The following CD101 variants were observed in gnomAD, a reference collection of about 807,000 sequenced individuals.
The protein encoded by CD101 is immunoglobulin superfamily member 2.
CD101 carries 76 observed loss-of-function variants against 98.2 expected under a neutral mutation model. The observed-to-expected ratio is 0.77, with a 90% CI of 0.64 to 0.94. The LOEUF (loss-of-function observed/expected upper bound fraction) is 0.94. CD101 is among the 40% of genes least tolerant of loss of function. The pLI, the probability that CD101 is intolerant of heterozygous loss-of-function variation, is 0.00. For missense variants in CD101, 1,145 were observed against 1,218.8 expected, an observed-to-expected ratio of 0.94 and a Z score of 0.90; for synonymous variants, 471 against 472.7, an observed-to-expected ratio of 1.00 and a Z score of 0.05.
In CD101 at chr1:117,013,388, C is replaced by G; in HGVS notation, c.842-18C>G. 1.3e-6 allele frequency: 2 copies of G among 1,591,578 alleles called. No homozygotes were observed. The highest frequency in any genetic ancestry group is 1.7e-6 in the Non-Finnish European group (2 of 1,167,192). On this transcript the variant is annotated intron_variant, in intron 3 of 9. Transcript: ENST00000682167. ...GGCTGTGGGCTCTCTAAATACCTGC[C>G]TTGCTTTTGTTTCCCAGTGAAAGAT...
intron 8 of CD101, among the ~76,000 whole-genome samples, chr1:117,032,760 T>C (rs1478930374): frequency 6.6e-6 from 1 of 152,236 alleles, no homozygotes; most frequent in Non-Finnish European, 1.5e-5. Context: ...TCTGCTTCAA[T>C]AGACTGTTTC....
At position 117,033,731 on chromosome 1, in the gene CD101, C is replaced by A; in HGVS notation, c.2825-129C>A. The A allele has an allele frequency of 8.4e-7, 1 of 1,192,816 alleles. No homozygotes were observed. The highest frequency in any genetic ancestry group is 1.2e-6 in the Non-Finnish European group (1 of 849,294). The allele number at this position is 1,192,816 out of a possible 1,614,324, so 73.9% of individuals were successfully genotyped here. On this transcript the variant is annotated intron_variant, in intron 8 of 9. Coordinates refer to ENST00000682167, the MANE Select transcript of CD101 (RefSeq NM_001256106.3). The surrounding 1 kb of genome is among the most constrained non-coding windows in gnomAD (Gnocchi z 4.8). ...CCTGTGCTCCTCATGATTTCAGGGGCCCACTGCTATTTGGCCCCATTATTT... is the reference window on the plus strand; with the variant it reads ...CCTGTGCTCCTCATGATTTCAGGGGACCACTGCTATTTGGCCCCATTATTT...
rs1654561698 is a variant in CD101 at position 117,033,050 on chromosome 1, TC to T, written c.2825-809del. On this transcript the variant is annotated intron_variant, in intron 8 of 9. Coordinates refer to ENST00000682167, the MANE Select transcript of CD101 (RefSeq NM_001256106.3). This position sits in a 1 kb window ranked among gnomAD's most constrained non-coding sequence, Gnocchi z 4.8. ...GGGGATATAGAAACAAATGGCACTATCAGACATACTCAAGTAACTATAGTGA... is the reference window on the plus strand; with the variant it reads ...GGGGATATAGAAACAAATGGCACTATAGACATACTCAAGTAACTATAGTGA... 6.6e-6 allele frequency: 1 copy of T among 152,232 alleles called. No individual in the cohort carries two copies. The highest frequency in any genetic ancestry group is 6.5e-5 in the Admixed American group (1 of 15,272). 9.4% of individuals were successfully genotyped at this position (152,232 alleles called of 1,614,324 possible).
chr1:117,009,563 G>A (rs778615135), intron 1 of CD101, among the ~76,000 whole-genome samples: 1 of 152,216 alleles, frequency 6.6e-6, no homozygotes, highest in Non-Finnish European at 1.5e-5. Context: ...AGTACACTTC[G>A]ATAAGCAGAT....
chr1:117,016,399 C>T (rs186168044), intron 4 of CD101, among the ~76,000 whole-genome samples: 7 of 151,584 alleles, frequency 4.6e-5, no homozygotes, highest in African/African-American at 1.5e-4. Context: ...TCTGAAGGTC[C>T]GAATTCTAAA....
intron 1 of CD101, 46 bp from the exon 2 acceptor site, chr1:117,009,804 G>A (rs1444989007): frequency 1.3e-6 from 2 of 1,542,918 alleles, no homozygotes; most frequent in African/African-American, 2.7e-5. Flanking sequence ...CTGGGAACTG[G>A]AACACTAATC....
At chr1:117,025,939 C>G in intron 8 of CD101, 35 bp downstream of exon 8, 1 of 1,567,234 alleles carries the variant, frequency 6.4e-7, no homozygotes, top group Non-Finnish European at 8.7e-7. Flanking sequence ...AGCTCATGGT[C>G]AGGAGAATAC....
At position 117,017,235 on chromosome 1, in the gene CD101, GTT is replaced by G; in HGVS notation, c.1376_1377del (p.Phe459CysfsTer51). On this transcript the variant is annotated frameshift_variant, in exon 5 of 10. Coordinates refer to ENST00000682167, the MANE Select transcript of CD101 (RefSeq NM_001256106.3). LOFTEE classifies it high-confidence loss of function. ...HIPRDQTQPE[F>X]VAGMGQDGIV... ...TCCCACGGGACCAGACACAGCCCGA[GTT>G]TGTGGCTGGCATGGGGCAGGATGGC... The G allele has an allele frequency of 6.2e-7, 1 of 1,614,174 alleles. No homozygotes were observed. The highest frequency in any genetic ancestry group is 8.5e-7 in the Non-Finnish European group (1 of 1,180,008).
Position 117,017,385 on chromosome 1 carries a change from A to G in CD101, c.1524A>G (p.Thr508=). The G allele has an allele frequency of 1.2e-6, 2 of 1,614,242 alleles. No homozygotes were observed. The highest frequency in any genetic ancestry group is 1.7e-6 in the Non-Finnish European group (2 of 1,180,016). ...ITFTAITDSG[T]YECRVSEKSR... ...TCACTGCCATCACAGACAGTGGCAC[A>G]TATGAGTGCAGAGTATCTGAGAAGT... The change falls in exon 5 of 10, where the codon ACA becomes ACG. Residue 508 remains threonine, a synonymous_variant. Transcript: ENST00000682167.
chr1:117,035,043 G>A (rs1654723476), intron 9 of CD101, among the ~76,000 whole-genome samples: 2 of 151,760 alleles, frequency 1.3e-5, no homozygotes, highest in Non-Finnish European at 2.9e-5. Context: ...AGTAGGTCAA[G>A]TCTGGTTCCT....
At position 117,023,674 on chromosome 1, in the gene CD101, C is replaced by G. The variant is rs1653715389; in HGVS notation, c.2428+1691C>G. Among the ~76,000 whole-genome samples the G allele has an allele frequency of 6.6e-6, 1 of 152,090 alleles. No homozygotes were observed. Among genetic ancestry groups the G allele is most frequent in the Non-Finnish European group, 1.5e-5 (1 of 68,028 alleles). On this transcript the variant is annotated intron_variant, in intron 7 of 9. Coordinates refer to ENST00000682167, the MANE Select transcript of CD101 (RefSeq NM_001256106.3). The surrounding 1 kb of genome is among the most constrained non-coding windows in gnomAD (Gnocchi z 4.4). Reference sequence around the variant, plus strand: ...TCAGGTGATCCACCTGCCTTGGCCTCCCAAAGTGCTGGGATTACAGGCGTG... The same window carrying G: ...TCAGGTGATCCACCTGCCTTGGCCTGCCAAAGTGCTGGGATTACAGGCGTG...
At chr1:117,017,967 A>G (rs1232836229) in intron 5 of CD101, among the ~76,000 whole-genome samples, 189 bp from the exon 6 acceptor site, 2 of 152,222 alleles carry the variant, frequency 1.3e-5, no homozygotes, top group Admixed American at 1.3e-4. Context: ...AAAAGGATCA[A>G]CTTTGCAAAA....
In CD101 at chr1:117,011,898, C is replaced by T. The variant is rs200728594; in HGVS notation, c.773C>T (p.Pro258Leu). 14 of 1,613,994 alleles carry T rather than the reference C, an allele frequency of 8.7e-6. No homozygotes were observed. In the East Asian group the frequency reaches 3.1e-4, roughly 36 times the overall value. Reference protein sequence around the residue: ...FCEATEWIQDPDETWMFITKK... With the variant: ...FCEATEWIQDLDETWMFITKK... ...GAGGCAACGGAATGGATTCAGGATC[C>T]AGATGAAACTTGGATGTTCATCACC... The change falls in exon 3 of 10, where the codon CCA (proline) becomes CTA (leucine). Residue 258 changes from proline to leucine, a missense_variant. Pro to Leu is a moderately conservative substitution (Grantham distance 98, BLOSUM62 -3). Coordinates refer to ENST00000682167, the MANE Select transcript of CD101 (RefSeq NM_001256106.3).
intron 3 of CD101, 125 bp from the exon 4 acceptor site, chr1:117,013,281 A>C (rs1455736823): frequency 1.3e-5 from 16 of 1,192,150 alleles, no homozygotes; most frequent in Non-Finnish European, 1.8e-5. Context: ...CTACCGCTAT[A>C]GAATTGAACT....
intron 8 of CD101, among the ~76,000 whole-genome samples, chr1:117,031,425 T>C (rs1305381260): frequency 6.6e-6 from 1 of 152,142 alleles, no homozygotes; most frequent in Non-Finnish European, 1.5e-5. Context: ...CTGCCTCCCA[T>C]GAGTAGAAAA....
At position 117,019,615 on chromosome 1, in the gene CD101, C is replaced by T. The variant is rs949241298; in HGVS notation, c.2017+1055C>T. ...AGCTTTGTTCTCTTTTCATTCTATA[C>T]GCTCTCCTGCAGTGGACTCGTCCCT... On this transcript the variant is annotated intron_variant, in intron 6 of 9. Coordinates refer to ENST00000682167, the MANE Select transcript of CD101 (RefSeq NM_001256106.3). The surrounding 1 kb of genome is among the most constrained non-coding windows in gnomAD (Gnocchi z 4.3). Among the ~76,000 whole-genome samples the T allele has an allele frequency of 2.0e-5, 3 of 152,170 alleles. No homozygotes were observed. Among genetic ancestry groups the T allele is most frequent in the East Asian group, 1.9e-4 (1 of 5,200 alleles).
rs780170791 is a variant in CD101, at chr1:117,010,086, G to A, written c.280G>A (p.Val94Ile). 9.3e-6 allele frequency: 15 copies of A among 1,614,252 alleles called. 1 individual carries two copies. The highest frequency in any genetic ancestry group is 1.6e-4 in the Middle Eastern group (1 of 6,062). ...TACGCAGCGGGTGCGAAGCGGAGACGTCTACGTGGAGAGGGTCCAGGGCAA... is the reference window on the plus strand; with the variant it reads ...TACGCAGCGGGTGCGAAGCGGAGACATCTACGTGGAGAGGGTCCAGGGCAA... ...VYTQRVRSGD[V>I]YVERVQGNSV... Residue 94 changes from valine (V) to isoleucine (I), a missense_variant, in exon 2 of 10, where the codon GTC (valine) becomes ATC (isoleucine). Transcript: ENST00000682167. This position sits in a 1 kb window ranked among gnomAD's most constrained non-coding sequence, Gnocchi z 5.2.
chr1:117,021,269 G>A lies in CD101; in HGVS notation c.2018-304G>A, dbSNP rs972164924. 1.1e-4 allele frequency among the ~76,000 whole-genome samples: 17 copies of A among 152,182 alleles called. 1 individual carries two copies. Among genetic ancestry groups the A allele is most frequent in the Admixed American group, 5.9e-4 (9 of 15,286 alleles). On this transcript the variant is annotated intron_variant, in intron 6 of 9. Transcript: ENST00000682167. The surrounding 1 kb of genome is among the most constrained non-coding windows in gnomAD (Gnocchi z 4.7). ...GGCTTGTCTGTGTGACACTCCCTCT[G>A]CCACACCACCCCTACCAAGCACAGG...
At chr1:117,030,160 T>C (rs368407141) in intron 8 of CD101, among the ~76,000 whole-genome samples, 167 of 152,248 alleles carry the variant, frequency 1.1e-3, no homozygotes, top group African/African-American at 3.7e-3. Context: ...ATCCCAGCAC[T>C]TTGGGAGGCT....
Sources: gnomAD v4.1 joint callset for allele counts (sites outside exome capture counted in the v4.1 genomes callset) on GRCh38, gnomAD v4.1.1 for gene constraint, Gnocchi (gnomAD v3.1) non-coding constraint, MANE v1.5 for transcripts, NCBI Gene and HGNC (gene_info 2026-07-23, HGNC 2026-07-21) for gene names.